Variants in MTM1 observed in about 807,000 individuals in gnomAD.
MTM1 encodes myotubularin 1, also known as myotubularin.
MTM1 carries 9 observed loss-of-function variants against 52.1 expected under a neutral mutation model. The observed-to-expected ratio is 0.17, with a 90% CI of 0.10 to 0.30. The LOEUF (loss-of-function observed/expected upper bound fraction) is 0.30. MTM1 is among the 10% of genes least tolerant of loss of function. The pLI is 1.00. For missense variants in MTM1, 277 were observed against 470.7 expected (o/e 0.59, Z 3.81); for synonymous variants, 136 against 163.8 (o/e 0.83, Z 1.29).
chrX:150,615,322 G>A (rs1263529812), intron 5 of MTM1, among the ~76,000 whole-genome samples: 1 of 111,557 alleles, frequency 9.0e-6, no homozygotes, highest in Non-Finnish European at 1.9e-5. Flanking sequence ...GTGGGGATGT[G>A]TTCAAGCGTC....
At chrX:150,650,514 A>G (rs966870464) in intron 10 of MTM1, among the ~76,000 whole-genome samples, 12 of 111,107 alleles carry the variant, frequency 1.1e-4, no homozygotes, top group African/African-American at 3.3e-4. Flanking sequence ...TTGTTTTCCA[A>G]CTTACCCTTC....
chrX:150,612,304 A>G (rs1474601453), intron 4 of MTM1, among the ~76,000 whole-genome samples: 1 of 111,771 alleles, frequency 8.9e-6, no homozygotes, highest in Non-Finnish European at 1.9e-5. Context: ...ATTCCATGGT[A>G]TGGATGCTCG....
At chrX:150,639,367 CTTGATATTGCT>C (rs2039810672) in intron 7 of MTM1, among the ~76,000 whole-genome samples, 1 of 112,073 alleles carries the variant, frequency 8.9e-6, no homozygotes, top group Non-Finnish European at 1.9e-5. Context: ...CACTTTAGGA[CTTGATATTGCT>C]ATGTATATGC....
intron 1 of MTM1, among the ~76,000 whole-genome samples, chrX:150,589,750 CT>C (rs781783631): frequency 0.025 from 2,305 of 91,723 alleles, 47 homozygotes; most frequent in African/African-American, 0.064. Flanking sequence ...TCATTATTGT[CT>C]TTTTTTTTTT....
rs1375939523 is a variant in MTM1 at position 150,585,553 on chromosome X, C to G, written c.-10-7052C>G. The stretch of plus-strand genomic sequence containing the variant: ...TGTTTACTTATAAATTTAAAATGTA[C>G]TTTTTGTGAATAGTTCTCACAGGGG... On this transcript the variant is annotated intron_variant, in intron 1 of 14. Transcript: ENST00000370396. 2.7e-5 allele frequency among the ~76,000 whole-genome samples: 3 copies of G among 112,532 alleles called. No homozygotes were observed. The East Asian group carries it at 8.2e-4, about 31-fold the overall frequency.
At chrX:150,669,807 T>C (rs1414784797) in intron 14 of MTM1, among the ~76,000 whole-genome samples, 1 of 112,339 alleles carries the variant, frequency 8.9e-6, no homozygotes, top group Admixed American at 9.4e-5. Flanking sequence ...AAAAATTTTC[T>C]CTTATTCTAT....
rs370366538 is a variant in MTM1 at position 150,657,955 on chromosome X, C to T, written c.1188C>T (p.Phe396=). ...TSLAMLMLDS[F]YRSIEGFEIL... ...TGGCCATGCTGATGTTGGATAGCTT[C>T]TATAGGAGCATTGAAGGGTTCGAAA... Residue 396 remains phenylalanine, a synonymous_variant, in exon 11 of 15, where the codon TTC becomes TTT. Coordinates refer to ENST00000370396, the MANE Select transcript of MTM1 (RefSeq NM_000252.3). 50 of 1,209,288 alleles carry T rather than the reference C, an allele frequency of 4.1e-5. No homozygotes were observed. The highest frequency in any genetic ancestry group is 5.6e-5 in the Non-Finnish European group (50 of 894,702).
At chrX:150,598,528 G>T in intron 3 of MTM1, 64 bp from the exon 4 acceptor site, 1 of 648,915 alleles carries the variant, frequency 1.5e-6, no homozygotes, top group Non-Finnish European at 2.5e-6. Context: ...TTAAATTAGT[G>T]CCATTTGTTG....
upstream of MTM1, among the ~76,000 whole-genome samples, chrX:150,563,521 G>T (rs2038226655): frequency 9.5e-6 from 1 of 104,748 alleles, no homozygotes; most frequent in Admixed American, 1.0e-4. Context: ...CACCACGTTG[G>T]TTAGGCTGGT....
chrX:150,564,278 T>C (rs908167325), upstream of MTM1, among the ~76,000 whole-genome samples: 1 of 112,593 alleles, frequency 8.9e-6, no homozygotes, highest in South Asian at 3.6e-4. Flanking sequence ...AGTTCTTCCT[T>C]TTTATTGCTG....
At chrX:150,579,158 G>A (rs1002615756) in intron 1 of MTM1, among the ~76,000 whole-genome samples, 4 of 110,347 alleles carry the variant, frequency 3.6e-5, no homozygotes, top group African/African-American at 9.9e-5. Context: ...GGGTTCAAGC[G>A]ATTCTCCCGC....
chrX:150,583,890 T>C (rs1266846736), intron 1 of MTM1, among the ~76,000 whole-genome samples: 1 of 35,285 alleles, frequency 2.8e-5, no homozygotes, highest in Admixed American at 5.8e-4. Context: ...AATATATATA[T>C]ATATTTGATA....
chrX:150,608,955 GAGT>G (rs2039224480), intron 4 of MTM1, among the ~76,000 whole-genome samples: 2 of 110,425 alleles, frequency 1.8e-5, no homozygotes, highest in African/African-American at 6.6e-5. Flanking sequence ...TCAGCCTCCC[GAGT>G]AGCTGGGATT....
chrX:150,583,132 TA>T (rs1352151177), intron 1 of MTM1, among the ~76,000 whole-genome samples: 5 of 80,739 alleles, frequency 6.2e-5, no homozygotes, highest in East Asian at 3.7e-4. Flanking sequence ...AATTATATAT[TA>T]TATAAATTAT....
At chrX:150,648,052 G>T (rs2039963953) in intron 9 of MTM1, among the ~76,000 whole-genome samples, 2 of 112,043 alleles carry the variant, frequency 1.8e-5, no homozygotes, top group Admixed American at 1.9e-4. Flanking sequence ...AGAGAAGCAG[G>T]AAGAGGAGAA....
intron 1 of MTM1, among the ~76,000 whole-genome samples, chrX:150,587,626 A>G (rs2038812599): frequency 8.9e-6 from 1 of 111,949 alleles, no homozygotes; most frequent in Non-Finnish European, 1.9e-5. Context: ...CTTGGTTCAC[A>G]GTGATTTGGT....
At chrX:150,612,616 G>A (rs1446503229) in intron 4 of MTM1, among the ~76,000 whole-genome samples, 1 of 107,087 alleles carries the variant, frequency 9.3e-6, no homozygotes, top group Non-Finnish European at 1.9e-5. Flanking sequence ...AGGCTGATGT[G>A]GGAGGATCAC....
upstream of MTM1, among the ~76,000 whole-genome samples, chrX:150,564,781 T>C (rs2038242438): frequency 8.9e-6 from 1 of 112,245 alleles, no homozygotes; most frequent in African/African-American, 3.2e-5. Flanking sequence ...AGGAATAGTA[T>C]TGCTCGGCCA....
chrX:150,588,385 T>G (rs781933546), intron 1 of MTM1, among the ~76,000 whole-genome samples: 1 of 112,082 alleles, frequency 8.9e-6, no homozygotes, highest in East Asian at 2.8e-4. Context: ...GAAATAGAGC[T>G]CTCCGTGGTG....
Sources: gnomAD v4.1 joint callset for allele counts (sites outside exome capture counted in the v4.1 genomes callset) on GRCh38, gnomAD v4.1.1 for gene constraint, MANE v1.5 for transcripts, NCBI Gene and HGNC (gene_info 2026-07-23, HGNC 2026-07-21) for gene names.